Variants in SPATS1 observed in about 807,000 individuals in gnomAD.
The protein encoded by SPATS1 is spermatogenesis-associated serine-rich protein 1.
SPATS1 carries 23 observed loss-of-function variants against 33.6 expected under a neutral mutation model. The observed-to-expected ratio is 0.68, with a 90% CI of 0.49 to 0.97. The LOEUF is 0.97. Ranked by LOEUF, SPATS1 falls within the 50% of genes least tolerant of loss-of-function variation. The probability of loss-of-function intolerance (pLI) is 0.00; values close to 1 mark genes in which losing one functional copy is unlikely to be tolerated. For missense variants in SPATS1, 327 were observed against 361.0 expected (o/e 0.91, Z 0.76); for synonymous variants, 131 against 125.6 (o/e 1.04, Z -0.29).
intron 2 of SPATS1, among the ~76,000 whole-genome samples, chr6:44,348,948 T>C (rs532696270): frequency 1.3e-5 from 2 of 152,262 alleles, no homozygotes; most frequent in Non-Finnish European, 2.9e-5. Context: ...TTGGCCAACA[T>C]GGTGAAACCC....
At chr6:44,353,574 T>C (rs908415668) in intron 3 of SPATS1, among the ~76,000 whole-genome samples, 5 of 152,226 alleles carry the variant, frequency 3.3e-5, no homozygotes, top group African/African-American at 1.2e-4. Context: ...TTGACCAGGA[T>C]GTTGGCTTTG....
chr6:44,346,437 G>A (rs538942995), intron 2 of SPATS1, among the ~76,000 whole-genome samples: 305 of 152,294 alleles, frequency 2.0e-3, no homozygotes, highest in Non-Finnish European at 2.3e-3. Flanking sequence ...CCAGGTTGGA[G>A]TGCAGTGGTA....
intron 6 of SPATS1, among the ~76,000 whole-genome samples, chr6:44,369,330 G>T (rs956004117): frequency 6.6e-5 from 10 of 151,366 alleles, no homozygotes; most frequent in African/African-American, 2.4e-4. Context: ...GGGGTGGATC[G>T]CCTGAGGTCA....
rs780677764 is a variant in SPATS1 at position 44,343,134 on chromosome 6, C to T, written c.39C>T (p.Gly13=). The T allele has an allele frequency of 1.2e-6, 2 of 1,614,030 alleles. No individual in the cohort carries two copies. Among genetic ancestry groups the T allele is most frequent in the Non-Finnish European group, 1.7e-6 (2 of 1,180,014 alleles). ...TGCTCACTGGAAACAGTCCACGGGG[C>T]TGCCGTCTCCCCTCCATCTCAAGCA... The part of the protein sequence containing the change: ...PSMLTGNSPR[G]CRLPSISSTT... The change falls in exon 2 of 9, where the codon GGC becomes GGT. Residue 13 remains glycine, a synonymous_variant. Transcript: ENST00000674044.
At chr6:44,352,362 C>T (rs1248027374) in intron 2 of SPATS1, among the ~76,000 whole-genome samples, 1 of 152,066 alleles carries the variant, frequency 6.6e-6, no homozygotes. Flanking sequence ...CTCCTGACCT[C>T]AAGTCAGGGT....
intron 2 of SPATS1, among the ~76,000 whole-genome samples, chr6:44,351,276 G>A (rs1447313205): frequency 2.0e-5 from 3 of 152,244 alleles, no homozygotes; most frequent in East Asian, 3.9e-4. Flanking sequence ...ACAGCATACA[G>A]GAGGATGTGC....
intron 2 of SPATS1, among the ~76,000 whole-genome samples, chr6:44,348,171 G>A (rs1788017479): frequency 6.6e-6 from 1 of 152,000 alleles, no homozygotes. Flanking sequence ...ACCATGCCCG[G>A]CTGATTTTTG....
At chr6:44,353,016 C>T (rs775002079) in intron 3 of SPATS1, 143 bp downstream of exon 3, 6 of 841,952 alleles carry the variant, frequency 7.1e-6, no homozygotes, top group Non-Finnish European at 1.1e-5. Flanking sequence ...GGTTCTGCCA[C>T]TTAGTATCTG....
rs541155312 is a variant in SPATS1, at chr6:44,369,149, G to A, written c.695+650G>A. 2.6e-5 allele frequency among the ~76,000 whole-genome samples: 4 copies of A among 152,152 alleles called. No individual in the cohort carries two copies. In the South Asian group the frequency reaches 8.3e-4, roughly 32 times the overall value. On this transcript the variant is annotated intron_variant, in intron 6 of 8. Coordinates refer to ENST00000674044, the MANE Select transcript of SPATS1 (RefSeq NM_001372081.1). ...CTGACCTCGTGATCCGCCCGCCTTG[G>A]CCTCCCAAAGTGCTGGGTAGTTGGT...
chr6:44,357,843 G>A (rs536467445), intron 3 of SPATS1, among the ~76,000 whole-genome samples: 3 of 152,312 alleles, frequency 2.0e-5, no homozygotes, highest in Admixed American at 6.5e-5. Context: ...AAGGGAGAAC[G>A]TGTGATCTGA....
At chr6:44,348,435 G>A (rs557809135) in intron 2 of SPATS1, among the ~76,000 whole-genome samples, 28 of 151,444 alleles carry the variant, frequency 1.8e-4, no homozygotes, top group Admixed American at 5.9e-4. Context: ...AAATCTTTTC[G>A]GGGGGAGAGG....
At chr6:44,369,908 A>C (rs539034637) in intron 6 of SPATS1, 143 bp from the exon 7 acceptor site, 3 of 432,880 alleles carry the variant, frequency 6.9e-6, no homozygotes, top group Non-Finnish European at 1.2e-5. Context: ...AAAATAAAAT[A>C]AAATCTGCGG....
Position 44,364,749 on chromosome 6 carries a change from GTCTT to G in SPATS1, c.574+2771_574+2774del, listed in dbSNP as rs200961949. Among the ~76,000 whole-genome samples, 96 of 149,786 alleles carry G rather than the reference GTCTT, an allele frequency of 6.4e-4. 1 individual carries two copies. The highest frequency in any genetic ancestry group is 1.6e-3 in the East Asian group (8 of 5,082). On this transcript the variant is annotated intron_variant, in intron 5 of 8. Coordinates refer to ENST00000674044, the MANE Select transcript of SPATS1 (RefSeq NM_001372081.1). ...TTTCTTTCTTTCTTTTTTTCTTTCT[GTCTT>G]TCTTTCTTTCTTTTTCTTTTTCTTC...
At chr6:44,355,013 A>G (rs557094525) in intron 3 of SPATS1, among the ~76,000 whole-genome samples, 73 of 152,014 alleles carry the variant, frequency 4.8e-4, no homozygotes, top group South Asian at 1.0e-3. Context: ...TAGAGACAGG[A>G]TCTTACTATG....
At chr6:44,369,087 G>A (rs186529042) in intron 6 of SPATS1, among the ~76,000 whole-genome samples, 34 of 151,986 alleles carry the variant, frequency 2.2e-4, no homozygotes, top group East Asian at 5.9e-4. Flanking sequence ...CAGTAGAGAC[G>A]GGGTTTCACC....
At chr6:44,353,016 C>A in intron 3 of SPATS1, 143 bp downstream of exon 3, 1 of 841,954 alleles carries the variant, frequency 1.2e-6, no homozygotes, top group Non-Finnish European at 1.8e-6. Flanking sequence ...GGTTCTGCCA[C>A]TTAGTATCTG....
intron 5 of SPATS1, 36 bp from the exon 6 acceptor site, chr6:44,368,343 C>G (rs1789370969): frequency 6.2e-7 from 1 of 1,606,600 alleles, no homozygotes; most frequent in African/African-American, 1.3e-5. Flanking sequence ...TCATCTTCAG[C>G]CCTTGTATGA....
chr6:44,357,089 C>A (rs1255046079), intron 3 of SPATS1, among the ~76,000 whole-genome samples: 2 of 151,710 alleles, frequency 1.3e-5, no homozygotes, highest in African/African-American at 4.8e-5. Flanking sequence ...AAAAAGAGTC[C>A]CCCTTCATAT....
At chr6:44,360,943 TATAAA>T (rs1230279375) in intron 4 of SPATS1, among the ~76,000 whole-genome samples, 3 of 152,186 alleles carry the variant, frequency 2.0e-5, no homozygotes, top group African/African-American at 7.2e-5. Context: ...CATATATAGA[TATAAA>T]ATAAATGGGT....
Sources: allele counts gnomAD v4.1 joint callset (sites outside exome capture counted in the v4.1 genomes callset), GRCh38; gene constraint gnomAD v4.1.1; transcripts MANE v1.5; gene names NCBI Gene and HGNC (gene_info 2026-07-23, HGNC 2026-07-21).